Variants in DET1 observed in about 807,000 individuals in gnomAD.
DET1 encodes DET1 homolog.
A neutral mutation model predicts 43.7 loss-of-function variants in DET1; 22 were observed. The observed-to-expected ratio is 0.50, with a 90% CI of 0.36 to 0.72. The LOEUF (loss-of-function observed/expected upper bound fraction) is 0.72, where lower values mean the gene tolerates loss of function less well. Ranked by LOEUF, DET1 falls within the 30% of genes least tolerant of loss-of-function variation. DET1 has a pLI of 0.00. For synonymous variants in DET1, 315 were observed against 266.2 expected (o/e 1.18, Z -1.79); for missense variants, 713 against 713.3 (o/e 1.00, Z 0.00).
downstream of DET1, chr15:88,511,465 G>A (rs2056200416): frequency 2.0e-6 from 2 of 985,120 alleles, no homozygotes; most frequent in Non-Finnish European, 1.2e-6. Flanking sequence ...GTATATGCTG[G>A]GCCTCTCCTT....
Position 88,531,600 on chromosome 15 carries a change from A to G in DET1, c.106T>C (p.Trp36Arg), listed in dbSNP as rs1260963458. Residue 36 changes from tryptophan (W) to arginine (R), a missense_variant, in exon 2 of 5, where the codon TGG (tryptophan) becomes CGG (arginine). Physicochemically the swap from Trp to Arg is moderately radical, Grantham distance 101. Coordinates refer to ENST00000268148, the MANE Select transcript of DET1 (RefSeq NM_001144074.3). This position sits in a 1 kb window ranked among gnomAD's most constrained non-coding sequence, Gnocchi z 6.2. Reference protein sequence around the residue: ...RISSGKAGTHWHQVRVFHQNV... With the variant: ...RISSGKAGTHRHQVRVFHQNV... Reference sequence around the variant, plus strand: ...TGATGGAACACTCGGACTTGGTGCCAGTGGGTACCTGCCTTGCCTGAACTG... The same window carrying G: ...TGATGGAACACTCGGACTTGGTGCCGGTGGGTACCTGCCTTGCCTGAACTG... 1 of 1,614,046 alleles carries G rather than the reference A, an allele frequency of 6.2e-7. No homozygotes were observed.
downstream of DET1, among the ~76,000 whole-genome samples, chr15:88,508,462 A>T (rs1475255243): frequency 6.6e-6 from 1 of 152,232 alleles, no homozygotes; most frequent in African/African-American, 2.4e-5. Flanking sequence ...AGCTGAAAGC[A>T]ACTTAATAGA....
chr15:88,544,720 C>T (rs1283280223), intron 1 of DET1, among the ~76,000 whole-genome samples: 1 of 152,160 alleles, frequency 6.6e-6, no homozygotes, highest in Non-Finnish European at 1.5e-5. Context: ...CAACAGAGCC[C>T]TACTAAAAAC....
At chr15:88,505,829 T>C (rs978300297) in intron 7 of DET1, 3 of 152,216 alleles carry the variant, frequency 2.0e-5, no homozygotes, top group Non-Finnish European at 4.4e-5. Context: ...AACACACCAA[T>C]AACAAACCTT....
At chr15:88,518,868 C>T (rs534322569) in intron 3 of DET1, among the ~76,000 whole-genome samples, 15 of 152,120 alleles carry the variant, frequency 9.9e-5, no homozygotes, top group Non-Finnish European at 1.5e-4. Context: ...CTTTTCTGCT[C>T]CCCCTAAAGA....
intron 2 of DET1, 60 bp from the exon 3 acceptor site, chr15:88,527,846 CTT>C: frequency 7.8e-7 from 1 of 1,284,108 alleles, no homozygotes; most frequent in Non-Finnish European, 1.0e-6. Flanking sequence ...GCGTAGGAAA[CTT>C]AGCACTTATT....
At chr15:88,507,305 A>T (rs1234070414) in intron 7 of DET1, among the ~76,000 whole-genome samples, 1 of 152,218 alleles carries the variant, frequency 6.6e-6, no homozygotes, top group Non-Finnish European at 1.5e-5. Flanking sequence ...GATATCTAAT[A>T]GGCATTTCAA....
intron 1 of DET1, among the ~76,000 whole-genome samples, chr15:88,533,693 C>T (rs1443792699): frequency 2.0e-5 from 3 of 151,838 alleles, no homozygotes; most frequent in South Asian, 2.1e-4. Flanking sequence ...CAGACAAATA[C>T]TGTATGATTC....
In DET1 at chr15:88,512,835, G is replaced by T; in HGVS notation, c.*116C>A. On this transcript the variant is annotated 3_prime_UTR_variant, in exon 5 of 5. Coordinates refer to ENST00000268148, the MANE Select transcript of DET1 (RefSeq NM_001144074.3). ...TCTCTCTGGCTCTCTCCCATCTGAG[G>T]TATAGCAGGCTGGAACTAACAGAGC... is the stretch of plus-strand genomic sequence containing the variant. 6.7e-7 allele frequency: 1 copy of T among 1,484,508 alleles called. No individual in the cohort carries two copies. Among genetic ancestry groups the T allele is most frequent in the African/African-American group, 1.4e-5 (1 of 71,964 alleles). 92.0% of individuals were successfully genotyped at this position (1,484,508 alleles called of 1,614,324 possible).
At position 88,531,933 on chromosome 15, in the gene DET1, G is replaced by A; in HGVS notation, c.-10-218C>T. ...CTAAGGGAAGGATCTAGTTCACTAG[G>A]AATACCTTCCAAGTATGCTCAGCTG... On this transcript the variant is annotated intron_variant, in intron 1 of 4. Transcript: ENST00000268148. This position sits in a 1 kb window ranked among gnomAD's most constrained non-coding sequence, Gnocchi z 6.2. 1.9e-6 allele frequency: 1 copy of A among 528,136 alleles called. No homozygotes were observed. 32.7% of individuals were successfully genotyped at this position (528,136 alleles called of 1,614,324 possible). A position where few individuals can be genotyped will look rare whatever the true frequency, so the allele number is the denominator to read the frequency against.
chr15:88,523,932 G>T (rs2056579394), intron 3 of DET1, among the ~76,000 whole-genome samples: 1 of 150,844 alleles, frequency 6.6e-6, no homozygotes. Context: ...CCTCTGCCCG[G>T]CTGCCCAGTC....
chr15:88,530,469 G>A (rs1047336914), intron 2 of DET1, among the ~76,000 whole-genome samples, 154 bp downstream of exon 2: 1 of 152,142 alleles, frequency 6.6e-6, no homozygotes, highest in Non-Finnish European at 1.5e-5. Flanking sequence ...TATGACCAGA[G>A]AAAAATGGAG....
intron 7 of DET1, among the ~76,000 whole-genome samples, chr15:88,507,405 A>G (rs2056152956): frequency 6.6e-6 from 1 of 152,142 alleles, no homozygotes; most frequent in Admixed American, 6.5e-5. Flanking sequence ...TAGCTTCAAT[A>G]TCTATCCATT....
intron 3 of DET1, among the ~76,000 whole-genome samples, chr15:88,522,862 T>C (rs2056537623): frequency 6.7e-6 from 1 of 149,528 alleles, no homozygotes; most frequent in Non-Finnish European, 1.5e-5. Flanking sequence ...TCAGCGAATG[T>C]AACATTGTTT....
Position 88,533,336 on chromosome 15 carries a change from G to T in DET1, c.-10-1621C>A, listed in dbSNP as rs2056865629. ...AGTTGAACCCTTGTGCATTGTTGGT[G>T]GAACTGAAAAATAGTACAGCTACTA... On this transcript the variant is annotated intron_variant, in intron 1 of 4. Transcript: ENST00000268148. Among the ~76,000 whole-genome samples the T allele has an allele frequency of 2.0e-5, 3 of 152,124 alleles. No homozygotes were observed. The South Asian group carries it at 6.2e-4, about 32-fold the overall frequency.
At chr15:88,511,856 C>T (rs1396718116), downstream of DET1, among the ~76,000 whole-genome samples, 1 of 152,232 alleles carries the variant, frequency 6.6e-6, no homozygotes. Context: ...AATACAGGGT[C>T]CAGCTGTTTG....
Position 88,530,995 on chromosome 15 carries a change from C to A in DET1, c.711G>T (p.Gln237His). The A allele has an allele frequency of 6.2e-7, 1 of 1,613,800 alleles. No homozygotes were observed. The highest frequency in any genetic ancestry group is 8.5e-7 in the Non-Finnish European group (1 of 1,179,810). ...NILAILSVQQ[Q>H]TIHVFQVTPE... ...GAGTCACCTGGAAGACATGGATGGTCTGTTGTTGCACAGACAAGATGGCCA... is the reference window on the plus strand; with the variant it reads ...GAGTCACCTGGAAGACATGGATGGTATGTTGTTGCACAGACAAGATGGCCA... Residue 237 changes from glutamine (Q) to histidine (H), a missense_variant, in exon 2 of 5, where the codon CAG becomes CAT. Transcript: ENST00000268148.
intron 3 of DET1, among the ~76,000 whole-genome samples, chr15:88,520,618 G>A (rs1205901431): frequency 6.6e-6 from 1 of 152,184 alleles, no homozygotes; most frequent in African/African-American, 2.4e-5. Context: ...AGAAACATTA[G>A]AATTATCTTT....
chr15:88,541,519 A>G (rs1433352018), intron 1 of DET1, among the ~76,000 whole-genome samples: 2 of 152,142 alleles, frequency 1.3e-5, no homozygotes, highest in African/African-American at 4.8e-5. Flanking sequence ...CCACCCCTAC[A>G]TCTTGGTTTT....
Sources: allele counts gnomAD v4.1 joint callset (sites outside exome capture counted in the v4.1 genomes callset), GRCh38; gene constraint gnomAD v4.1.1; non-coding constraint Gnocchi (gnomAD v3.1); transcripts MANE v1.5; gene names NCBI Gene and HGNC (gene_info 2026-07-23, HGNC 2026-07-21).